The following EFEMP1 variants were observed in gnomAD, a reference collection of about 807,000 sequenced individuals.
The protein encoded by EFEMP1 is EGF-like fibulin extracellular matrix protein 1, also known as EGF-containing fibulin-like extracellular matrix protein 1.
In EFEMP1, 18 loss-of-function variants were observed where a neutral mutation model predicts 65.7. The ratio of observed to expected loss-of-function variants is 0.27; its 90% CI spans 0.19 to 0.41. The LOEUF (loss-of-function observed/expected upper bound fraction) is 0.41, where lower values mean the gene tolerates loss of function less well. EFEMP1 is among the 10% of genes least tolerant of loss of function. The probability of loss-of-function intolerance (pLI) is 1.00; values close to 1 mark genes in which losing one functional copy is unlikely to be tolerated. For synonymous variants in EFEMP1, 237 were observed against 219.7 expected (o/e 1.08, Z -0.70); for missense variants, 469 against 624.8 (o/e 0.75, Z 2.66).
rs1668891861 is a variant in EFEMP1 at position 55,873,258 on chromosome 2, T to C, written c.1000+1688A>G. Reference sequence around the variant, plus strand: ...TTTCCGTAGGAGAAAGCAATTGCTTTATACTTTAGAAGAATGCTAAGTCTT... The same window carrying C: ...TTTCCGTAGGAGAAAGCAATTGCTTCATACTTTAGAAGAATGCTAAGTCTT... On this transcript the variant is annotated intron_variant, in intron 9 of 11. Transcript: ENST00000355426. The surrounding 1 kb of genome is among the most constrained non-coding windows in gnomAD (Gnocchi z 4.6). 6.6e-6 allele frequency among the ~76,000 whole-genome samples: 1 copy of C among 152,112 alleles called. No homozygotes were observed.
Position 55,919,785 on chromosome 2 carries a change from T to A in EFEMP1, c.82-1518A>T, listed in dbSNP as rs1217842978. ...CTCTCAGACTAATTTTTTTCTTGTT[T>A]CCCAAACAGTGTTAAAGGTACCACT... On this transcript the variant is annotated intron_variant, in intron 3 of 11. Coordinates refer to ENST00000355426, the MANE Select transcript of EFEMP1 (RefSeq NM_001039348.3). The surrounding 1 kb of genome is among the most constrained non-coding windows in gnomAD (Gnocchi z 4.5). Among the ~76,000 whole-genome samples the A allele has an allele frequency of 2.0e-5, 3 of 152,182 alleles. No homozygotes were observed. Among genetic ancestry groups the A allele is most frequent in the Non-Finnish European group, 4.4e-5 (3 of 68,028 alleles).
intron 5 of EFEMP1, among the ~76,000 whole-genome samples, chr2:55,910,485 A>G (rs1337006969): frequency 1.3e-5 from 2 of 152,230 alleles, no homozygotes; most frequent in East Asian, 1.9e-4. Flanking sequence ...AAATTGTGCC[A>G]GCAATTCAAC....
Position 55,875,372 on chromosome 2 carries a change from A to ATAT in EFEMP1, c.881-308_881-307insATA, listed in dbSNP as rs1553349843. Among the ~76,000 whole-genome samples the ATAT allele has an allele frequency of 5.1e-3, 765 of 148,958 alleles. 6 individuals are homozygous for ATAT. Among genetic ancestry groups the ATAT allele is most frequent in the African/African-American group, 0.014 (552 of 40,240 alleles). ...CACACACACACACACACACATATAT[A>ATAT]TTTTTTTTGTTCTGCTCAACAGTCC... On this transcript the variant is annotated intron_variant, in intron 8 of 11. Coordinates refer to ENST00000355426, the MANE Select transcript of EFEMP1 (RefSeq NM_001039348.3).
At chr2:55,918,337 T>A in intron 3 of EFEMP1, 70 bp from the exon 4 acceptor site, 1 of 1,543,972 alleles carries the variant, frequency 6.5e-7, no homozygotes, top group Non-Finnish European at 9.0e-7. Context: ...AAGAAATCAC[T>A]CTAAAAGCTT....
At chr2:55,893,235 G>A (rs1452840986) in intron 5 of EFEMP1, among the ~76,000 whole-genome samples, 1 of 152,024 alleles carries the variant, frequency 6.6e-6, no homozygotes, top group Non-Finnish European at 1.5e-5. Context: ...ATTTGAGATT[G>A]TATCTTTCTG....
At position 55,877,692 on chromosome 2, in the gene EFEMP1, G is replaced by A; in HGVS notation, c.760+54C>T. 6.2e-7 allele frequency: 1 copy of A among 1,610,298 alleles called. No homozygotes were observed. The highest frequency in any genetic ancestry group is 8.5e-7 in the Non-Finnish European group (1 of 1,177,434). On this transcript the variant is annotated intron_variant, in intron 7 of 11. Coordinates refer to ENST00000355426, the MANE Select transcript of EFEMP1 (RefSeq NM_001039348.3). This position sits in a 1 kb window ranked among gnomAD's most constrained non-coding sequence, Gnocchi z 4.5. ...AGAAAACTGGAAATACTGCAACATG[G>A]CATGGGGTTTCCTTTTGTGAAGACA...
In EFEMP1 at chr2:55,877,691, G is replaced by C; in HGVS notation, c.760+55C>G. ...TAGAAAACTGGAAATACTGCAACATGGCATGGGGTTTCCTTTTGTGAAGAC... is the reference window on the plus strand; with the variant it reads ...TAGAAAACTGGAAATACTGCAACATCGCATGGGGTTTCCTTTTGTGAAGAC... On this transcript the variant is annotated intron_variant, in intron 7 of 11. Transcript: ENST00000355426. The surrounding 1 kb of genome is among the most constrained non-coding windows in gnomAD (Gnocchi z 4.5). 6.2e-7 allele frequency: 1 copy of C among 1,610,386 alleles called. No individual in the cohort carries two copies. The highest frequency in any genetic ancestry group is 8.5e-7 in the Non-Finnish European group (1 of 1,177,508).
chr2:55,922,195 G>T lies in EFEMP1; in HGVS notation c.81+165C>A, dbSNP rs989687592. Reference sequence around the variant, plus strand: ...CAATGAACTTTTGAAAGGATCAAGGGGGCAATTTACAACGAATCTTAGATA... The same window carrying T: ...CAATGAACTTTTGAAAGGATCAAGGTGGCAATTTACAACGAATCTTAGATA... On this transcript the variant is annotated intron_variant, in intron 3 of 11. Transcript: ENST00000355426. The surrounding 1 kb of genome is among the most constrained non-coding windows in gnomAD (Gnocchi z 5.5). The T allele has an allele frequency of 7.2e-6, 5 of 694,520 alleles. No homozygotes were observed. In the East Asian group the frequency reaches 1.5e-4, roughly 21 times the overall value. 43.0% of individuals were successfully genotyped at this position (694,520 alleles called of 1,614,324 possible).
intron 5 of EFEMP1, among the ~76,000 whole-genome samples, chr2:55,900,320 C>T (rs1669982956): frequency 6.6e-6 from 1 of 150,958 alleles, no homozygotes; most frequent in Non-Finnish European, 1.5e-5. Context: ...ACGATCCCCC[C>T]CACCAACTCT....
At chr2:55,868,855 C>G (rs1668687308) in intron 11 of EFEMP1, among the ~76,000 whole-genome samples, 1 of 152,178 alleles carries the variant, frequency 6.6e-6, no homozygotes, top group African/African-American at 2.4e-5. Flanking sequence ...ATTAACCTAA[C>G]TAACCTGCTG....
chr2:55,906,165 C>CGACAA (rs1185271964), intron 5 of EFEMP1, among the ~76,000 whole-genome samples: 5 of 151,772 alleles, frequency 3.3e-5, no homozygotes, highest in African/African-American at 1.2e-4. Flanking sequence ...CCCTGACCCA[C>CGACAA]GACAATCACT....
chr2:55,907,943 G>T (rs535147799), intron 5 of EFEMP1, among the ~76,000 whole-genome samples: 32 of 152,304 alleles, frequency 2.1e-4, no homozygotes, highest in Non-Finnish European at 3.7e-4. Flanking sequence ...TTTTATGGCT[G>T]TCTTGGATTC....
chr2:55,888,186 GC>G (rs1232446416), intron 5 of EFEMP1, among the ~76,000 whole-genome samples: 1 of 152,198 alleles, frequency 6.6e-6, no homozygotes, highest in East Asian at 1.9e-4. Flanking sequence ...AGCTGTTTTT[GC>G]CCACTGGCAA....
At chr2:55,892,522 C>T (rs727878) in intron 5 of EFEMP1, among the ~76,000 whole-genome samples, 57,637 of 141,592 alleles carry the variant, frequency 0.41, 11,522 homozygotes, top group East Asian at 0.79. Flanking sequence ...AAAATGGACT[C>T]ATCTTTCTGG....
intron 5 of EFEMP1, among the ~76,000 whole-genome samples, chr2:55,904,969 TTTTTTTTTTCTTTTTC>T (rs764470947): frequency 1.4e-4 from 11 of 79,042 alleles, no homozygotes; most frequent in African/African-American, 1.8e-4. Context: ...ATAGTGGCTT[TTTTTTTTTTCTTTTTC>T]TTTTTTTTTT....
Position 55,876,753 on chromosome 2 carries a change from G to T in EFEMP1, c.761-11C>A. On this transcript the variant is annotated splice_polypyrimidine_tract_variant and intron_variant, in intron 7 of 11. Coordinates refer to ENST00000355426, the MANE Select transcript of EFEMP1 (RefSeq NM_001039348.3). ...CACATTCATTTATATCTGAAAAAAA[G>T]TTTTATATATATATATATGTATATG... The T allele has an allele frequency of 6.5e-7, 1 of 1,526,784 alleles. No individual in the cohort carries two copies. The highest frequency in any genetic ancestry group is 2.4e-5 in the East Asian group (1 of 41,114). 94.6% of individuals were successfully genotyped at this position (1,526,784 alleles called of 1,614,324 possible).
intron 5 of EFEMP1, among the ~76,000 whole-genome samples, chr2:55,895,953 G>C (rs184766967): frequency 1.3e-5 from 2 of 152,272 alleles, no homozygotes; most frequent in African/African-American, 4.8e-5. Flanking sequence ...CCCCCTTAAG[G>C]ATGAAGCACC....
At chr2:55,881,513 A>C in intron 6 of EFEMP1, 99 bp downstream of exon 6, 1 of 1,498,886 alleles carries the variant, frequency 6.7e-7, no homozygotes, top group Non-Finnish European at 9.2e-7. Flanking sequence ...ATTGGCTACC[A>C]CTCTCCAAAG....
intron 5 of EFEMP1, among the ~76,000 whole-genome samples, chr2:55,911,852 C>T (rs970735711): frequency 1.3e-5 from 2 of 152,104 alleles, no homozygotes; most frequent in African/African-American, 2.4e-5. Context: ...AATCAGATAC[C>T]TATAAATACT....
Sources: allele counts gnomAD v4.1 joint callset (sites outside exome capture counted in the v4.1 genomes callset), GRCh38; gene constraint gnomAD v4.1.1; non-coding constraint Gnocchi (gnomAD v3.1); transcripts MANE v1.5; gene names NCBI Gene and HGNC (gene_info 2026-07-23, HGNC 2026-07-21).